Variants in ADAMTS3 observed in about 807,000 individuals in gnomAD.
The protein encoded by ADAMTS3 is ADAM metallopeptidase with thrombospondin type 1 motif 3, also known as A disintegrin and metalloproteinase with thrombospondin motifs 3.
In ADAMTS3, 73 loss-of-function variants were observed where a neutral mutation model predicts 129.0. That is an observed-to-expected ratio of 0.57 (90% confidence interval 0.47 to 0.69). The LOEUF (loss-of-function observed/expected upper bound fraction) is 0.69. ADAMTS3 is among the 30% of genes least tolerant of loss of function. The pLI is 0.00. For missense variants in ADAMTS3, 1,457 were observed against 1,514.5 expected, an observed-to-expected ratio of 0.96 and a Z score of 0.63; for synonymous variants, 477 against 510.8, an observed-to-expected ratio of 0.93 and a Z score of 0.89.
At chr4:72,395,533 A>G (rs1233195204) in intron 4 of ADAMTS3, among the ~76,000 whole-genome samples, 1 of 152,206 alleles carries the variant, frequency 6.6e-6, no homozygotes, top group Non-Finnish European at 1.5e-5. Flanking sequence ...ACAAATATAA[A>G]AAATTTATAT....
rs187397361 is a variant in ADAMTS3 at position 72,544,904 on chromosome 4, T to A, written c.504+3574A>T. On this transcript the variant is annotated intron_variant, in intron 3 of 21. Coordinates refer to ENST00000286657, the MANE Select transcript of ADAMTS3 (RefSeq NM_014243.3). ...CCCTAATTTTTAACCATCTTTAAAT[T>A]TAATTTTTAAAAATTATTATATCAA... Among the ~76,000 whole-genome samples, 5 of 152,214 alleles carry A rather than the reference T, an allele frequency of 3.3e-5. No homozygotes were observed. In the East Asian group the frequency reaches 9.6e-4, roughly 29 times the overall value.
intron 3 of ADAMTS3, among the ~76,000 whole-genome samples, chr4:72,476,543 A>G (rs534448072): frequency 6.6e-6 from 1 of 151,650 alleles, no homozygotes; most frequent in Non-Finnish European, 1.5e-5. Flanking sequence ...AAATGGTTGA[A>G]GAAGAATTAA....
At chr4:72,541,002 C>T (rs1461514871) in intron 3 of ADAMTS3, among the ~76,000 whole-genome samples, 1 of 152,152 alleles carries the variant, frequency 6.6e-6, no homozygotes. Context: ...GAGAAGAGGG[C>T]CACCATCCTC....
At chr4:72,524,249 T>C (rs62319469) in intron 3 of ADAMTS3, among the ~76,000 whole-genome samples, 48,027 of 151,786 alleles carry the variant, frequency 0.32, 7,726 homozygotes, top group Middle Eastern at 0.35. Context: ...GGAAGACAGG[T>C]AGGAGAAAGG....
At chr4:72,530,729 T>A (rs1463589907) in intron 3 of ADAMTS3, among the ~76,000 whole-genome samples, 6 of 67,290 alleles carry the variant, frequency 8.9e-5, no homozygotes, top group Non-Finnish European at 1.2e-4. Flanking sequence ...ATATTATACA[T>A]TATATATTAT....
At chr4:72,315,406 G>A (rs1447593991) in intron 11 of ADAMTS3, among the ~76,000 whole-genome samples, 1 of 152,156 alleles carries the variant, frequency 6.6e-6, no homozygotes, top group Non-Finnish European at 1.5e-5. Context: ...TATAAGAGAG[G>A]GGTAGAAGGA....
At position 72,550,806 on chromosome 4, in the gene ADAMTS3, G is replaced by A. The variant is rs563090040; in HGVS notation, c.98-1922C>T. Among the ~76,000 whole-genome samples, 341 of 152,118 alleles carry A rather than the reference G, an allele frequency of 2.2e-3. 3 individuals are homozygous for A. The highest frequency in any genetic ancestry group is 2.0e-3 in the Non-Finnish European group (135 of 68,016). On this transcript the variant is annotated intron_variant, in intron 2 of 21. Transcript: ENST00000286657. ...CGGGTGCAGAGTGACAGAGGGGAAA[G>A]TTTCCAAAGTAAGGAGATGAATCAA...
chr4:72,475,884 G>T (rs1719217386), intron 3 of ADAMTS3, among the ~76,000 whole-genome samples: 1 of 152,028 alleles, frequency 6.6e-6, no homozygotes, highest in African/African-American at 2.4e-5. Context: ...AATAATCCAT[G>T]AGTCAAAGAG....
At chr4:72,318,032 A>G (rs1249285915) in intron 10 of ADAMTS3, among the ~76,000 whole-genome samples, 1 of 151,936 alleles carries the variant, frequency 6.6e-6, no homozygotes, top group Non-Finnish European at 1.5e-5. Flanking sequence ...CCGTCTCAAA[A>G]AAAAAAAAAA....
At chr4:72,371,802 T>G (rs1424160041) in intron 4 of ADAMTS3, among the ~76,000 whole-genome samples, 1 of 152,068 alleles carries the variant, frequency 6.6e-6, no homozygotes, top group African/African-American at 2.4e-5. Context: ...CAAACAGCAT[T>G]GTACTCAAAA....
At chr4:72,371,575 A>C (rs1335703843) in intron 4 of ADAMTS3, among the ~76,000 whole-genome samples, 1 of 151,934 alleles carries the variant, frequency 6.6e-6, no homozygotes, top group Non-Finnish European at 1.5e-5. Flanking sequence ...TAAAAAACTC[A>C]ACCCACTGGG....
In ADAMTS3 at chr4:72,449,931, TTGTCA is replaced by T. The variant is rs538897517; in HGVS notation, c.505-34965_505-34961del. 2.6e-3 allele frequency among the ~76,000 whole-genome samples: 402 copies of T among 151,856 alleles called. 3 individuals are homozygous for T. The highest frequency in any genetic ancestry group is 9.4e-3 in the African/African-American group (390 of 41,508). ...ATTCTAAGAATGCCTTAGTCACTTC[TTGTCA>T]TGTAACACTAAACTTATTTATCTGC... On this transcript the variant is annotated intron_variant, in intron 3 of 21. Coordinates refer to ENST00000286657, the MANE Select transcript of ADAMTS3 (RefSeq NM_014243.3).
intron 12 of ADAMTS3, among the ~76,000 whole-genome samples, chr4:72,312,921 T>C (rs1719281365): frequency 1.3e-5 from 2 of 152,200 alleles, no homozygotes; most frequent in South Asian, 2.1e-4. Context: ...AAAGCACTCC[T>C]AACAACTCTG....
chr4:72,489,407 T>C (rs1719680264), intron 3 of ADAMTS3, among the ~76,000 whole-genome samples: 3 of 152,000 alleles, frequency 2.0e-5, no homozygotes, highest in African/African-American at 7.2e-5. Flanking sequence ...TTCTGTAGCA[T>C]GATGAAATCT....
intron 4 of ADAMTS3, among the ~76,000 whole-genome samples, chr4:72,372,072 C>G (rs1438661302): frequency 2.6e-5 from 4 of 152,036 alleles, no homozygotes; most frequent in African/African-American, 4.8e-5. Flanking sequence ...ATATTTTGAA[C>G]TGAAGAATAT....
intron 3 of ADAMTS3, among the ~76,000 whole-genome samples, chr4:72,521,858 T>G (rs956831283): frequency 1.3e-5 from 2 of 152,060 alleles, no homozygotes; most frequent in African/African-American, 4.8e-5. Context: ...AGTAAGCAAA[T>G]AAAATAATTT....
intron 3 of ADAMTS3, among the ~76,000 whole-genome samples, chr4:72,528,081 A>G (rs1288650175): frequency 2.0e-5 from 3 of 152,166 alleles, no homozygotes; most frequent in Non-Finnish European, 4.4e-5. Context: ...ACATGTGGCC[A>G]GTGCTCACAG....
At chr4:72,341,377 T>C (rs1413437218) in intron 4 of ADAMTS3, among the ~76,000 whole-genome samples, 4 of 152,166 alleles carry the variant, frequency 2.6e-5, no homozygotes, top group Non-Finnish European at 5.9e-5. Context: ...CTCCACAATA[T>C]ATAAATAACT....
rs774312214 is a variant in ADAMTS3 at position 72,569,149 on chromosome 4, GC to G, written c.-388del. 80 of 213,556 alleles carry G rather than the reference GC, an allele frequency of 3.7e-4. No individual in the cohort carries two copies. The highest frequency in any genetic ancestry group is 6.3e-4 in the Non-Finnish European group (67 of 107,100). The allele number at this position is 213,556 out of a possible 1,614,324, so 13.2% of individuals were successfully genotyped here. On this transcript the variant is annotated 5_prime_UTR_variant, in exon 1 of 22. Coordinates refer to ENST00000286657, the MANE Select transcript of ADAMTS3 (RefSeq NM_014243.3). ...GGTCCCTAAGGTTAGCGCGGAGAAT[GC>G]TTGGGTTCCCCGGAGCACAGCAGGG...
Sources: allele counts gnomAD v4.1 joint callset (sites outside exome capture counted in the v4.1 genomes callset), GRCh38; gene constraint gnomAD v4.1.1; transcripts MANE v1.5; gene names NCBI Gene and HGNC (gene_info 2026-07-23, HGNC 2026-07-21).